The following JAK1 variants were observed in gnomAD, a reference collection of about 807,000 sequenced individuals.
JAK1 encodes tyrosine-protein kinase JAK1.
JAK1 carries 16 observed loss-of-function variants against 136.6 expected under a neutral mutation model. The ratio of observed to expected loss-of-function variants is 0.12; its 90% confidence interval spans 0.08 to 0.18. JAK1 has a LOEUF of 0.18. Among genes scored for constraint, JAK1 ranks in the 10% least tolerant of loss-of-function variants. The pLI is 1.00. For missense variants in JAK1, 859 were observed against 1,450.1 expected (o/e 0.59, Z 6.62); for synonymous variants, 492 against 519.5 (o/e 0.95, Z 0.72).
intron 1 of JAK1, among the ~76,000 whole-genome samples, chr1:65,063,026 G>C (rs1451711820): frequency 6.6e-6 from 1 of 152,196 alleles, no homozygotes; most frequent in Non-Finnish European, 1.5e-5. Flanking sequence ...AATCTCATTA[G>C]ACAAAACAAA....
chr1:64,985,557 G>T, intron 2 of JAK1: 1 of 1,202,534 alleles, frequency 8.3e-7, no homozygotes, highest in Non-Finnish European at 1.2e-6. Context: ...TAGGTCTTCA[G>T]ACCCCAGGAT....
chr1:65,063,762 G>A (rs534017519), intron 1 of JAK1, among the ~76,000 whole-genome samples: 7 of 143,064 alleles, frequency 4.9e-5, no homozygotes, highest in Non-Finnish European at 7.5e-5. Flanking sequence ...CCAAGATCGC[G>A]TCACTGCACT....
chr1:64,868,110 T>C (rs532856217), intron 6 of JAK1, among the ~76,000 whole-genome samples: 1 of 152,306 alleles, frequency 6.6e-6, no homozygotes, highest in South Asian at 2.1e-4. Context: ...GAATCAGATA[T>C]ATTATTTAAA....
intron 2 of JAK1, chr1:64,972,957 A>G (rs1045396868): frequency 1.3e-5 from 2 of 152,072 alleles, no homozygotes; most frequent in African/African-American, 4.8e-5. Flanking sequence ...TGGACTCTAT[A>G]AAAAATTTAA....
At chr1:64,923,902 C>T (rs774924328) in intron 1 of JAK1, among the ~76,000 whole-genome samples, 1 of 151,840 alleles carries the variant, frequency 6.6e-6, no homozygotes, top group Non-Finnish European at 1.5e-5. Flanking sequence ...AAATGAAAAT[C>T]AAAAATAATA....
intron 2 of JAK1, among the ~76,000 whole-genome samples, chr1:65,018,881 G>A (rs1646913702): frequency 6.6e-6 from 1 of 152,060 alleles, no homozygotes; most frequent in South Asian, 2.1e-4. Context: ...CGTGGTGGCG[G>A]GCGCCTGTAG....
At chr1:64,899,301 AT>A (rs1438992381) in intron 1 of JAK1, among the ~76,000 whole-genome samples, 1 of 152,216 alleles carries the variant, frequency 6.6e-6, no homozygotes, top group East Asian at 1.9e-4. Context: ...GTAAATTAAA[AT>A]TGTTTATCTA....
intron 2 of JAK1, among the ~76,000 whole-genome samples, chr1:65,044,053 C>T (rs12040984): frequency 0.11 from 16,942 of 152,080 alleles, 989 homozygotes; most frequent in Admixed American, 0.13. Context: ...GATGAGGTTA[C>T]ACTGTGTTGG....
intron 2 of JAK1, among the ~76,000 whole-genome samples, chr1:65,010,567 C>T (rs1234396017): frequency 6.6e-6 from 1 of 152,196 alleles, no homozygotes; most frequent in Non-Finnish European, 1.5e-5. Flanking sequence ...CAGTTAAGCT[C>T]CTACCAAATG....
chr1:64,935,224 G>A (rs1000492835), intron 1 of JAK1, among the ~76,000 whole-genome samples: 1 of 152,156 alleles, frequency 6.6e-6, no homozygotes, highest in Admixed American at 6.5e-5. Context: ...TACTGAGAGG[G>A]TATTAAAAGA....
chr1:65,045,582 G>A (rs1223888962), intron 1 of JAK1, among the ~76,000 whole-genome samples: 1 of 152,230 alleles, frequency 6.6e-6, no homozygotes, highest in East Asian at 1.9e-4. Context: ...GTGAGCCACA[G>A]TTTCTGCATC....
intron 1 of JAK1, among the ~76,000 whole-genome samples, chr1:64,934,146 C>A (rs535170414): frequency 6.6e-6 from 1 of 151,930 alleles, no homozygotes. Flanking sequence ...ATGTAAAGGA[C>A]CAAAAGCAAC....
intron 2 of JAK1, among the ~76,000 whole-genome samples, chr1:65,009,678 A>T (rs558294152): frequency 9.2e-5 from 14 of 152,326 alleles, no homozygotes; most frequent in African/African-American, 3.1e-4. Context: ...TTAGCCTTTT[A>T]CATATGCTAA....
chr1:64,915,239 A>G (rs1008304608), intron 1 of JAK1, among the ~76,000 whole-genome samples: 1 of 152,220 alleles, frequency 6.6e-6, no homozygotes, highest in Non-Finnish European at 1.5e-5. Flanking sequence ...TAATAAATAC[A>G]GCATGGCTTT....
chr1:64,934,496 A>G (rs994123594), intron 1 of JAK1, among the ~76,000 whole-genome samples: 5 of 152,190 alleles, frequency 3.3e-5, no homozygotes, highest in Admixed American at 3.3e-4. Context: ...AGTAAAGAAA[A>G]ACAACAGTGA....
chr1:65,019,657 C>T (rs1369873603), intron 2 of JAK1, among the ~76,000 whole-genome samples: 6 of 152,140 alleles, frequency 3.9e-5, no homozygotes, highest in Non-Finnish European at 5.9e-5. Flanking sequence ...TGGCTCACTC[C>T]TGTAATCCTA....
chr1:64,849,728 G>T (rs865868476), intron 12 of JAK1, among the ~76,000 whole-genome samples: 18 of 152,242 alleles, frequency 1.2e-4, no homozygotes, highest in African/African-American at 3.9e-4. Context: ...GAGGATGGTG[G>T]TTACCTGCTT....
chr1:64,968,760 C>T (rs1646422448), upstream of JAK1, among the ~76,000 whole-genome samples: 1 of 152,090 alleles, frequency 6.6e-6, no homozygotes, highest in African/African-American at 2.4e-5. Flanking sequence ...GGCGAAACCC[C>T]ATCTCTACTA....
At chr1:65,042,137 G>A (rs535618647) in intron 2 of JAK1, among the ~76,000 whole-genome samples, 2 of 151,984 alleles carry the variant, frequency 1.3e-5, no homozygotes, top group Non-Finnish European at 2.9e-5. Context: ...AAAAAATAAC[G>A]AATTTTAAAG....
Sources: allele counts gnomAD v4.1 joint callset (sites outside exome capture counted in the v4.1 genomes callset), GRCh38; gene constraint gnomAD v4.1.1; transcripts MANE v1.5; gene names NCBI Gene and HGNC (gene_info 2026-07-23, HGNC 2026-07-21).